The following KLHL31 variants were observed in gnomAD, a reference collection of about 807,000 sequenced individuals.
The protein encoded by KLHL31 is kelch like family member 31.
KLHL31 carries 32 observed loss-of-function variants against 47.1 expected under a neutral mutation model. The ratio of observed to expected loss-of-function variants is 0.68; its 90% CI spans 0.51 to 0.91. The LOEUF (loss-of-function observed/expected upper bound fraction) is 0.91, where lower values mean the gene tolerates loss of function less well. Among genes scored for constraint, KLHL31 ranks in the 40% least tolerant of loss-of-function variants. The probability of loss-of-function intolerance (pLI) is 0.00; values close to 1 mark genes in which losing one functional copy is unlikely to be tolerated. For synonymous variants in KLHL31, 330 were observed against 325.1 expected (o/e 1.01, Z -0.16); for missense variants, 797 against 819.3 (o/e 0.97, Z 0.33).
chr6:53,657,740 A>T (rs916562700), intron 1 of KLHL31, among the ~76,000 whole-genome samples: 2 of 150,060 alleles, frequency 1.3e-5, no homozygotes, highest in Admixed American at 6.7e-5. Flanking sequence ...TGGGTGGTGT[A>T]TGTGTTAAAG....
chr6:53,655,346 T>C, intron 1 of KLHL31, 41 bp from the exon 2 acceptor site: 1 of 1,037,404 alleles, frequency 9.6e-7, no homozygotes, highest in South Asian at 1.9e-5. Flanking sequence ...GTTTTAATTG[T>C]GCTTTAGACT....
intron 2 of KLHL31, 81 bp from the exon 3 acceptor site, chr6:53,652,411 A>G (rs777430495): frequency 6.4e-7 from 1 of 1,560,526 alleles, no homozygotes; most frequent in Non-Finnish European, 8.7e-7. Flanking sequence ...ATGAGTGGGA[A>G]GCCTGACACT....
rs150120468 is a variant in KLHL31 at position 53,660,677 on chromosome 6, G to T, written c.-34+4924C>A. On this transcript the variant is annotated intron_variant, in intron 1 of 2. Coordinates refer to ENST00000370905, the MANE Select transcript of KLHL31 (RefSeq NM_001003760.5). ...AAAAATACAAAAATTAGCTGGATGT[G>T]GTGGCATGCACCTGTAATCCCAGCT... Among the ~76,000 whole-genome samples the T allele has an allele frequency of 4.6e-3, 704 of 152,266 alleles. 5 individuals are homozygous for T. The highest frequency in any genetic ancestry group is 0.016 in the African/African-American group (651 of 41,542).
In KLHL31 at chr6:53,654,134, T is replaced by C; in HGVS notation, c.1139A>G (p.Asn380Ser). Reference protein sequence around the residue: ...AGGEDQNDARNQAKHAVSNFC... With the variant: ...AGGEDQNDARSQAKHAVSNFC... ...ATTGCTGACTGCATGCTTGGCTTGA[T>C]TTCTTGCATCATTCTGGTCTTCACC... Residue 380 changes from asparagine to serine, a missense_variant, in exon 2 of 3, where the codon AAT becomes AGT. By Grantham distance (46) the Asn-to-Ser change is conservative (BLOSUM62 1). Transcript: ENST00000370905. 6.2e-7 allele frequency: 1 copy of C among 1,611,042 alleles called. No individual in the cohort carries two copies. The highest frequency in any genetic ancestry group is 1.7e-5 in the Admixed American group (1 of 59,712).
Position 53,654,806 on chromosome 6 carries a change from A to G in KLHL31, c.467T>C (p.Val156Ala), listed in dbSNP as rs1186987583. 1 of 1,613,978 alleles carries G rather than the reference A, an allele frequency of 6.2e-7. No homozygotes were observed. Among genetic ancestry groups the G allele is most frequent in the African/African-American group, 1.3e-5 (1 of 74,932 alleles). ...TATCAGAAAATCACTGCACATCTTT[A>G]CAAGAGTATGGATCTGAAGATAAAC... Reference protein sequence around the residue: ...AAVYLQIHTLVKMCSDFLIRE... With the variant: ...AAVYLQIHTLAKMCSDFLIRE... The change falls in exon 2 of 3, where the codon GTA becomes GCA. Residue 156 changes from valine to alanine, a missense_variant. Coordinates refer to ENST00000370905, the MANE Select transcript of KLHL31 (RefSeq NM_001003760.5).
At chr6:53,657,337 A>C (rs1384234974) in intron 1 of KLHL31, among the ~76,000 whole-genome samples, 1 of 152,188 alleles carries the variant, frequency 6.6e-6, no homozygotes, top group Non-Finnish European at 1.5e-5. Context: ...AAAATTCATC[A>C]ATCAGCTCTT....
intron 2 of KLHL31, 54 bp from the exon 3 acceptor site, chr6:53,652,384 A>G (rs758627511): frequency 6.2e-7 from 1 of 1,602,892 alleles, no homozygotes; most frequent in Non-Finnish European, 8.5e-7. Flanking sequence ...TGGGGACCCC[A>G]TGTTACTTTG....
chr6:53,658,887 C>T (rs913189263), intron 1 of KLHL31, among the ~76,000 whole-genome samples: 7 of 152,164 alleles, frequency 4.6e-5, no homozygotes, highest in African/African-American at 1.7e-4. Context: ...AATTTTACTA[C>T]TTATCTACCG....
rs780953317 is a variant in KLHL31, at chr6:53,649,660, A to T, written c.*1938T>A. On this transcript the variant is annotated 3_prime_UTR_variant, in exon 3 of 3. Coordinates refer to ENST00000370905, the MANE Select transcript of KLHL31 (RefSeq NM_001003760.5). The stretch of plus-strand genomic sequence containing the variant: ...CAATACTTCTAAGATGTCAATGGGA[A>T]CACATCTATTGGTGTGCATCAAGGA... The T allele has an allele frequency of 1.9e-4, 29 of 152,170 alleles. No homozygotes were observed. Among genetic ancestry groups the T allele is most frequent in the Admixed American group, 7.9e-4 (12 of 15,276 alleles). 9.4% of individuals were successfully genotyped at this position (152,170 alleles called of 1,614,324 possible).
chr6:53,649,477 C>A lies in KLHL31; in HGVS notation c.*2121G>T, dbSNP rs1764436207. The A allele has an allele frequency of 6.6e-6, 1 of 152,154 alleles. No homozygotes were observed. Among genetic ancestry groups the A allele is most frequent in the South Asian group, 2.1e-4 (1 of 4,834 alleles). The allele number at this position is 152,154 out of a possible 1,614,324, so 9.4% of individuals were successfully genotyped here. On this transcript the variant is annotated 3_prime_UTR_variant, in exon 3 of 3. Coordinates refer to ENST00000370905, the MANE Select transcript of KLHL31 (RefSeq NM_001003760.5). Reference sequence around the variant, plus strand: ...CACTAACATGTCTCCAGTTTCATCTCTAGAAAGCCACTGCCAAGTTTTTGC... The same window carrying A: ...CACTAACATGTCTCCAGTTTCATCTATAGAAAGCCACTGCCAAGTTTTTGC...
At chr6:53,657,957 CA>C (rs1393278288) in intron 1 of KLHL31, among the ~76,000 whole-genome samples, 1 of 152,152 alleles carries the variant, frequency 6.6e-6, no homozygotes, top group African/African-American at 2.4e-5. Context: ...GCAAACAATG[CA>C]AAATGCATCC....
In KLHL31 at chr6:53,653,870, A is replaced by G. The variant is rs185695486; in HGVS notation, c.1172+231T>C. Among the ~76,000 whole-genome samples, 167 of 152,346 alleles carry G rather than the reference A, an allele frequency of 1.1e-3. 1 individual carries two copies. The highest frequency in any genetic ancestry group is 1.3e-4 in the Non-Finnish European group (9 of 68,044). On this transcript the variant is annotated intron_variant, in intron 2 of 2. Transcript: ENST00000370905. ...TCTCATATGTAAAATCAGAATAATT[A>G]TATCTTCCCCGCCCACCTCACAGGC... is the stretch of plus-strand genomic sequence containing the variant.
At position 53,655,050 on chromosome 6, in the gene KLHL31, A is replaced by T. The variant is rs767160126; in HGVS notation, c.223T>A (p.Leu75Ile). The T allele has an allele frequency of 6.2e-7, 1 of 1,614,160 alleles. No homozygotes were observed. Among genetic ancestry groups the T allele is most frequent in the Non-Finnish European group, 8.5e-7 (1 of 1,180,020 alleles). ...KMRQENFLCD[L>I]VIGTKTKSFD... Reference sequence around the variant, plus strand: ...GATTTGGTTTTGGTACCAATGACTAAGTCACATAGGAAGTTCTCCTGCCGC... The same window carrying T: ...GATTTGGTTTTGGTACCAATGACTATGTCACATAGGAAGTTCTCCTGCCGC... Residue 75 changes from leucine (L) to isoleucine (I), a missense_variant, in exon 2 of 3, where the codon TTA becomes ATA. Transcript: ENST00000370905.
chr6:53,656,931 CTTTTTT>C, intron 1 of KLHL31, among the ~76,000 whole-genome samples: 1 of 98,438 alleles, frequency 1.0e-5, no homozygotes, highest in East Asian at 3.4e-4. Context: ...GTATTTTTAA[CTTTTTT>C]TTTTTTTTTT....
At position 53,651,503 on chromosome 6, in the gene KLHL31, TG is replaced by T; in HGVS notation, c.*94del. 2 of 1,324,548 alleles carry T rather than the reference TG, an allele frequency of 1.5e-6. No homozygotes were observed. Among genetic ancestry groups the T allele is most frequent in the Non-Finnish European group, 2.0e-6 (2 of 979,268 alleles). 82.0% of individuals were successfully genotyped at this position (1,324,548 alleles called of 1,614,324 possible). A position where few individuals can be genotyped will look rare whatever the true frequency, so the allele number is the denominator to read the frequency against. On this transcript the variant is annotated 3_prime_UTR_variant, in exon 3 of 3. Transcript: ENST00000370905. ...TTTACAATACAATCAGTGTAGTAAA[TG>T]TTAAATATTTTCCTTTTCGCGAACT... is the stretch of plus-strand genomic sequence containing the variant.
rs1398537115 is a variant in KLHL31, at chr6:53,649,123, G to C, written c.*2475C>G. 5 of 152,140 alleles carry C rather than the reference G, an allele frequency of 3.3e-5. No individual in the cohort carries two copies. Among genetic ancestry groups the C allele is most frequent in the African/African-American group, 1.2e-4 (5 of 41,436 alleles). 9.4% of individuals were successfully genotyped at this position (152,140 alleles called of 1,614,324 possible). A position where few individuals can be genotyped will look rare whatever the true frequency, so the allele number is the denominator to read the frequency against. ...CTAGGAGCAACTGCTTCAATAGTTG[G>C]TGTAAAGAATATGTTTCACTTACAC... On this transcript the variant is annotated 3_prime_UTR_variant, in exon 3 of 3. Transcript: ENST00000370905.
In KLHL31 at chr6:53,649,307, G is replaced by A. The variant is rs1320931290; in HGVS notation, c.*2291C>T. Reference sequence around the variant, plus strand: ...ATTCTGACATTCCAAATTCATATTGGTCTTTATTTTCCTAACTGTTGAAGC... The same window carrying A: ...ATTCTGACATTCCAAATTCATATTGATCTTTATTTTCCTAACTGTTGAAGC... On this transcript the variant is annotated 3_prime_UTR_variant, in exon 3 of 3. Transcript: ENST00000370905. The A allele has an allele frequency of 6.6e-6, 1 of 152,030 alleles. No homozygotes were observed. Among genetic ancestry groups the A allele is most frequent in the African/African-American group, 2.4e-5 (1 of 41,402 alleles). The allele number at this position is 152,030 out of a possible 1,614,324, so 9.4% of individuals were successfully genotyped here. A position where few individuals can be genotyped will look rare whatever the true frequency, so the allele number is the denominator to read the frequency against.
rs1359153126 is a variant in KLHL31, at chr6:53,656,061, T to G, written c.-33-756A>C. The stretch of plus-strand genomic sequence containing the variant: ...AATACATGTGAAATGTAGAAAATAT[T>G]ATGGAAAGATTATTTTATTTGCAGT... On this transcript the variant is annotated intron_variant, in intron 1 of 2. Transcript: ENST00000370905. Among the ~76,000 whole-genome samples the G allele has an allele frequency of 2.6e-5, 4 of 152,218 alleles. No individual in the cohort carries two copies. The East Asian group carries it at 7.7e-4, about 29-fold the overall frequency.
At chr6:53,664,081 C>T (rs1158659020) in intron 1 of KLHL31, among the ~76,000 whole-genome samples, 2 of 152,156 alleles carry the variant, frequency 1.3e-5, no homozygotes, top group Admixed American at 1.3e-4. Flanking sequence ...TACTCATTAT[C>T]AGATAGGGAT....
Sources: gnomAD v4.1 joint callset for allele counts (sites outside exome capture counted in the v4.1 genomes callset) on GRCh38, gnomAD v4.1.1 for gene constraint, MANE v1.5 for transcripts, NCBI Gene and HGNC (gene_info 2026-07-23, HGNC 2026-07-21) for gene names.